The following ALDH1L1 variants were observed in gnomAD, a reference collection of about 807,000 sequenced individuals.
ALDH1L1 encodes aldehyde dehydrogenase 1 family member L1, also known as cytosolic 10-formyltetrahydrofolate dehydrogenase.
A neutral mutation model predicts 101.1 loss-of-function variants in ALDH1L1; 68 were observed. That is an observed-to-expected ratio of 0.67 (90% CI 0.55 to 0.82). The LOEUF (loss-of-function observed/expected upper bound fraction) is 0.82, where lower values mean the gene tolerates loss of function less well. Among genes scored for constraint, ALDH1L1 ranks in the 40% least tolerant of loss-of-function variants. ALDH1L1 has a pLI of 0.00. For missense variants in ALDH1L1, 1,087 were observed against 1,172.7 expected, an observed-to-expected ratio of 0.93 and a Z score of 1.07; for synonymous variants, 486 against 470.8, an observed-to-expected ratio of 1.03 and a Z score of -0.42.
upstream of ALDH1L1, chr3:126,180,905 C>A: frequency 6.2e-7 from 1 of 1,601,286 alleles, no homozygotes; most frequent in Non-Finnish European, 8.5e-7. Flanking sequence ...GAGACCCTCG[C>A]CAAGCCGGTG....
intron 15 of ALDH1L1, 35 bp downstream of exon 15, chr3:126,125,580 GC>G: frequency 9.8e-6 from 14 of 1,430,032 alleles, no homozygotes; most frequent in Non-Finnish European, 1.3e-5. Flanking sequence ...CCTCTCTGTG[GC>G]CTGCAGGCCC....
chr3:126,124,426 A>G lies in ALDH1L1; in HGVS notation c.1826T>C (p.Phe609Ser). 6.2e-7 allele frequency: 1 copy of G among 1,612,278 alleles called. No individual in the cohort carries two copies. Among genetic ancestry groups the G allele is most frequent in the Non-Finnish European group, 8.5e-7 (1 of 1,179,244 alleles). ...AQVTPLTALK[F>S]AELTLKAGIP... The stretch of plus-strand genomic sequence containing the variant: ...GCCGGCCTTTAATGTCAGCTCTGCA[A>G]ACTTCAAGGCTGTGAGTGGGGTCAC... Residue 609 changes from phenylalanine to serine, a missense_variant, in exon 16 of 23, where the codon TTT (phenylalanine) becomes TCT (serine). Around this residue, in one of 2 missense-constraint regions of ALDH1L1, gnomAD observed 442 missense variants for 535.7 expected, o/e 0.83. Transcript: ENST00000393434.
At chr3:126,133,746 C>G (rs1161648426) in intron 12 of ALDH1L1, among the ~76,000 whole-genome samples, 1 of 152,210 alleles carries the variant, frequency 6.6e-6, no homozygotes, top group African/African-American at 2.4e-5. Context: ...CTCTGAAGGT[C>G]TGCAGGGCAG....
chr3:126,136,905 C>T (rs1440775355), intron 10 of ALDH1L1, 22 bp from the exon 11 acceptor site: 1 of 1,613,066 alleles, frequency 6.2e-7, no homozygotes, highest in Non-Finnish European at 8.5e-7. Flanking sequence ...GCCCCAGTGA[C>T]AAGCACAAAC....
intron 8 of ALDH1L1, 133 bp from the exon 9 acceptor site, chr3:126,147,059 G>T: frequency 1.3e-6 from 1 of 793,132 alleles, no homozygotes; most frequent in Non-Finnish European, 2.0e-6. Context: ...CCTCCAAGTT[G>T]TTGCCTCATC....
At chr3:126,187,107 T>G (rs1351142572) in intron 1 of ALDH1L1, among the ~76,000 whole-genome samples, 1 of 151,752 alleles carries the variant, frequency 6.6e-6, no homozygotes, top group African/African-American at 2.4e-5. Context: ...AAGGGGAAGG[T>G]AACAAGAGAA....
intron 1 of ALDH1L1, among the ~76,000 whole-genome samples, chr3:126,162,104 T>G (rs1470541327): frequency 1.3e-5 from 2 of 152,232 alleles, no homozygotes; most frequent in African/African-American, 2.4e-5. Context: ...AGTTCATTTA[T>G]TCATTCTATT....
intron 9 of ALDH1L1, among the ~76,000 whole-genome samples, chr3:126,138,502 T>C (rs532868028): frequency 6.6e-6 from 1 of 152,316 alleles, no homozygotes; most frequent in South Asian, 2.1e-4. Flanking sequence ...AGGAGAAATA[T>C]GGACGGCAAA....
At chr3:126,149,526 T>G (rs1388938509) in intron 8 of ALDH1L1, among the ~76,000 whole-genome samples, 1 of 152,226 alleles carries the variant, frequency 6.6e-6, no homozygotes, top group East Asian at 1.9e-4. Flanking sequence ...GCTCCAGGGA[T>G]ATCTTTGGAA....
rs371297517 is a variant in ALDH1L1, at chr3:126,105,627, C to T, written c.2653+99G>A. 2,246 of 1,357,018 alleles carry T rather than the reference C, an allele frequency of 1.7e-3. 44 individuals are homozygous for T. In the South Asian group the frequency reaches 0.023, roughly 14 times the overall value. 84.1% of individuals were successfully genotyped at this position (1,357,018 alleles called of 1,614,324 possible). A position where few individuals can be genotyped will look rare whatever the true frequency, so the allele number is the denominator to read the frequency against. ...CTGACAGCCATCATGTTCAAGGCTA[C>T]GTCCCTGCATCTGAGATAGGACCTG... On this transcript the variant is annotated intron_variant, in intron 22 of 22. Coordinates refer to ENST00000393434, the MANE Select transcript of ALDH1L1 (RefSeq NM_012190.4).
intron 22 of ALDH1L1, chr3:126,104,285 G>T (rs1945783289): frequency 5.3e-6 from 1 of 188,246 alleles, no homozygotes; most frequent in Admixed American, 5.5e-5. Flanking sequence ...GTGCTATGTG[G>T]CTGGTGCATC....
At chr3:126,110,180 C>T (rs1229854465) in intron 19 of ALDH1L1, 71 bp from the exon 20 acceptor site, 1 of 1,580,312 alleles carries the variant, frequency 6.3e-7, no homozygotes, top group East Asian at 2.2e-5. Flanking sequence ...TCACCTGACT[C>T]AGCTCTCATG....
chr3:126,132,544 C>A (rs1157993281), intron 12 of ALDH1L1, among the ~76,000 whole-genome samples: 1 of 152,210 alleles, frequency 6.6e-6, no homozygotes, highest in Non-Finnish European at 1.5e-5. Flanking sequence ...GTGCTCAGGT[C>A]AGTCAGGCCT....
chr3:126,183,673 G>A (rs2081494254), upstream of ALDH1L1, among the ~76,000 whole-genome samples: 1 of 152,202 alleles, frequency 6.6e-6, no homozygotes, highest in Non-Finnish European at 1.5e-5. Context: ...CACGTCTACA[G>A]TGGTTATCCA....
At chr3:126,146,975 A>T in intron 8 of ALDH1L1, 49 bp from the exon 9 acceptor site, 1 of 1,571,196 alleles carries the variant, frequency 6.4e-7, no homozygotes, top group Non-Finnish European at 8.7e-7. Context: ...AGCTGGGGAC[A>T]AGTGCCACTC....
intron 1 of ALDH1L1, among the ~76,000 whole-genome samples, chr3:126,176,836 T>C (rs2081371805): frequency 6.6e-6 from 1 of 152,148 alleles, no homozygotes; most frequent in East Asian, 1.9e-4. Flanking sequence ...TTATCCAAAA[T>C]ATACAAAGAA....
At chr3:126,172,057 C>T (rs2081287518) in intron 1 of ALDH1L1, among the ~76,000 whole-genome samples, 1 of 152,116 alleles carries the variant, frequency 6.6e-6, no homozygotes, top group Non-Finnish European at 1.5e-5. Flanking sequence ...CCTCTGATAC[C>T]CACAGCTATA....
chr3:126,109,478 T>C (rs893216786), intron 20 of ALDH1L1, among the ~76,000 whole-genome samples: 2 of 152,014 alleles, frequency 1.3e-5, no homozygotes, highest in Non-Finnish European at 2.9e-5. Context: ...TGGAGGCCTG[T>C]ATCTGGTAGG....
At chr3:126,190,201 G>A (rs1490433286) in intron 1 of ALDH1L1, among the ~76,000 whole-genome samples, 1 of 152,134 alleles carries the variant, frequency 6.6e-6, no homozygotes, top group Non-Finnish European at 1.5e-5. Flanking sequence ...TCCCATCAAG[G>A]GTGGAAGTTG....
Sources: allele counts gnomAD v4.1 joint callset (sites outside exome capture counted in the v4.1 genomes callset), GRCh38; gene constraint gnomAD v4.1.1; regional missense constraint gnomAD v4.1.1; transcripts MANE v1.5; gene names NCBI Gene and HGNC (gene_info 2026-07-23, HGNC 2026-07-21).